The following ARHGAP39 variants were observed in gnomAD, a reference collection of about 807,000 sequenced individuals.
ARHGAP39 encodes rho GTPase-activating protein 39.
A neutral mutation model predicts 106.9 loss-of-function variants in ARHGAP39; 44 were observed. The observed-to-expected ratio is 0.41, with a 90% confidence interval of 0.32 to 0.53. The LOEUF (loss-of-function observed/expected upper bound fraction) is 0.53. ARHGAP39 is among the 20% of genes least tolerant of loss of function. The pLI is 0.21. For synonymous variants in ARHGAP39, 768 were observed against 693.2 expected (o/e 1.11, Z -1.69); for missense variants, 1,496 against 1,577.3 (o/e 0.95, Z 0.87).
At position 144,547,433 on chromosome 8, in the gene ARHGAP39, CTCGGCCGCGCCCCGCGCCCCT is replaced by C. The variant is rs752555980; in HGVS notation, c.1632_1652del (p.Gly545_Glu551del). 6.3e-7 allele frequency: 1 copy of C among 1,582,910 alleles called. No individual in the cohort carries two copies. The highest frequency in any genetic ancestry group is 2.3e-5 in the East Asian group (1 of 44,106). ...CCAGCCGAGCCTGCGCCAGGAAGGG[CTCGGCCGCGCCCCGCGCCCCT>C]TCGGCCTCACCTTCCGCTCGCTTCA... is the stretch of plus-strand genomic sequence containing the variant. On this transcript the variant is annotated inframe_deletion, in exon 5 of 12. Coordinates refer to ENST00000377307, the MANE Select transcript of ARHGAP39 (RefSeq NM_025251.3). This position sits in a 1 kb window ranked among gnomAD's most constrained non-coding sequence, Gnocchi z 5.2.
In ARHGAP39 at chr8:144,547,839, T is replaced by C; in HGVS notation, c.1247A>G (p.His416Arg). The C allele has an allele frequency of 6.3e-7, 1 of 1,589,956 alleles. No homozygotes were observed. The highest frequency in any genetic ancestry group is 8.6e-7 in the Non-Finnish European group (1 of 1,169,228). ...ACCGCCGGGGTTGGGCGCGTACTTG[T>C]GCCGCGGGCCGGCGCGCAGCTTGGG... ...SSPKLRAGPR[H>R]KYAPNPGGGS... The change falls in exon 5 of 12, where the codon CAC becomes CGC. Residue 416 changes from histidine to arginine, a missense_variant. Physicochemically the swap from His to Arg is conservative, Grantham distance 29. Around this residue, in one of 4 missense-constraint regions of ARHGAP39, gnomAD observed 905 missense variants for 816.4 expected, o/e 1.11. Coordinates refer to ENST00000377307, the MANE Select transcript of ARHGAP39 (RefSeq NM_025251.3). This position sits in a 1 kb window ranked among gnomAD's most constrained non-coding sequence, Gnocchi z 5.2.
At chr8:144,652,204 G>A (rs961388057) in intron 1 of ARHGAP39, among the ~76,000 whole-genome samples, 78 of 152,038 alleles carry the variant, frequency 5.1e-4, no homozygotes, top group African/African-American at 1.8e-3. Flanking sequence ...GGGCGACAGT[G>A]CAAGACCCCG....
intron 2 of ARHGAP39, among the ~76,000 whole-genome samples, chr8:144,595,331 A>G (rs1336378534): frequency 6.6e-6 from 1 of 152,158 alleles, no homozygotes; most frequent in Non-Finnish European, 1.5e-5. Context: ...TGAGCGAAGG[A>G]CCACTCGTAT....
chr8:144,612,987 T>G (rs1260592533), intron 1 of ARHGAP39, among the ~76,000 whole-genome samples: 1 of 152,290 alleles, frequency 6.6e-6, no homozygotes, highest in Non-Finnish European at 1.5e-5. Context: ...AAGTATTTTA[T>G]GTGGGTCAAC....
At chr8:144,609,013 C>T (rs1820392466) in intron 1 of ARHGAP39, among the ~76,000 whole-genome samples, 1 of 152,108 alleles carries the variant, frequency 6.6e-6, no homozygotes, top group African/African-American at 2.4e-5. Flanking sequence ...AAAAGTTTTA[C>T]TTCTTCCTTT....
chr8:144,534,761 A>G (rs1816885817), intron 7 of ARHGAP39, among the ~76,000 whole-genome samples: 1 of 152,180 alleles, frequency 6.6e-6, no homozygotes, highest in Admixed American at 6.5e-5. Flanking sequence ...GGCAGCAATG[A>G]GAGGGCCCAG....
Position 144,604,179 on chromosome 8 carries a change from C to T in ARHGAP39, c.80+1356G>A, listed in dbSNP as rs531498396. 1.3e-5 allele frequency among the ~76,000 whole-genome samples: 2 copies of T among 152,154 alleles called. No individual in the cohort carries two copies. The highest frequency in any genetic ancestry group is 1.9e-4 in the East Asian group (1 of 5,190). The stretch of plus-strand genomic sequence containing the variant: ...CAGACACGGAGCCGGGCCCAGAGCG[C>T]CCAGAGGTGGCCGGGAGGCAGCAGC... On this transcript the variant is annotated intron_variant, in intron 2 of 11. Coordinates refer to ENST00000377307, the MANE Select transcript of ARHGAP39 (RefSeq NM_025251.3). This position sits in a 1 kb window ranked among gnomAD's most constrained non-coding sequence, Gnocchi z 4.1.
chr8:144,588,043 C>A (rs1430632314), intron 2 of ARHGAP39, among the ~76,000 whole-genome samples: 9 of 152,212 alleles, frequency 5.9e-5, no homozygotes, highest in Non-Finnish European at 1.0e-4. Context: ...CCGAGGAAAA[C>A]CAGCAAGGGT....
chr8:144,645,683 C>G lies in ARHGAP39; in HGVS notation c.-81-39988G>C, dbSNP rs1244293735. Among the ~76,000 whole-genome samples, 1 of 152,264 alleles carries G rather than the reference C, an allele frequency of 6.6e-6. No homozygotes were observed. The highest frequency in any genetic ancestry group is 1.9e-4 in the East Asian group (1 of 5,206). Reference sequence around the variant, plus strand: ...AAGTGCAAACATGAGGGATTCTTATCCTCTAGAAAAAACCATCCCCAAACC... The same window carrying G: ...AAGTGCAAACATGAGGGATTCTTATGCTCTAGAAAAAACCATCCCCAAACC... On this transcript the variant is annotated intron_variant, in intron 1 of 11. Coordinates refer to ENST00000377307, the MANE Select transcript of ARHGAP39 (RefSeq NM_025251.3). The surrounding 1 kb of genome is among the most constrained non-coding windows in gnomAD (Gnocchi z 4.4).
Position 144,570,521 on chromosome 8 carries a change from C to T in ARHGAP39, c.512+10325G>A, listed in dbSNP as rs540806023. Among the ~76,000 whole-genome samples, 148 of 152,234 alleles carry T rather than the reference C, an allele frequency of 9.7e-4. 1 individual carries two copies. The highest frequency in any genetic ancestry group is 3.4e-3 in the African/African-American group (141 of 41,526). On this transcript the variant is annotated intron_variant, in intron 3 of 11. Transcript: ENST00000377307. ...ACTGTGAGGGGTAAAGAGGATTAGACGCAACGACAATAGGAAAAGTCTAGC... is the reference window on the plus strand; with the variant it reads ...ACTGTGAGGGGTAAAGAGGATTAGATGCAACGACAATAGGAAAAGTCTAGC...
intron 2 of ARHGAP39, among the ~76,000 whole-genome samples, chr8:144,598,074 G>A (rs10109518): frequency 6.6e-6 from 1 of 152,270 alleles, no homozygotes; most frequent in Non-Finnish European, 1.5e-5. Flanking sequence ...AGTCCGGCCA[G>A]AGTAGGAGCT....
chr8:144,610,199 TA>T (rs1820439946), intron 1 of ARHGAP39, among the ~76,000 whole-genome samples: 1 of 152,246 alleles, frequency 6.6e-6, no homozygotes, highest in South Asian at 2.1e-4. Flanking sequence ...GACATTGATA[TA>T]AAAATGTCTT....
rs1304196757 is a variant in ARHGAP39, at chr8:144,684,249, T to A, written c.-82+1437A>T. ...CAGAGCCTGCGCCCAGGGCGGTTTA[T>A]GGAATGAGTCTCCTCGATTTACAGC... On this transcript the variant is annotated intron_variant, in intron 1 of 11. Coordinates refer to ENST00000377307, the MANE Select transcript of ARHGAP39 (RefSeq NM_025251.3). The surrounding 1 kb of genome is among the most constrained non-coding windows in gnomAD (Gnocchi z 4.4). 6.6e-6 allele frequency among the ~76,000 whole-genome samples: 1 copy of A among 152,188 alleles called. No individual in the cohort carries two copies. The highest frequency in any genetic ancestry group is 1.5e-5 in the Non-Finnish European group (1 of 68,034).
chr8:144,576,223 C>T (rs1483080388), intron 3 of ARHGAP39, among the ~76,000 whole-genome samples: 1 of 150,366 alleles, frequency 6.7e-6, no homozygotes, highest in Non-Finnish European at 1.5e-5. Flanking sequence ...GTCCCAGCTA[C>T]TCGGGAGGCT....
intron 2 of ARHGAP39, among the ~76,000 whole-genome samples, chr8:144,588,353 G>A (rs1212372319): frequency 6.6e-6 from 1 of 152,262 alleles, no homozygotes; most frequent in African/African-American, 2.4e-5. Context: ...GCCAGAGGCT[G>A]ACTGCCCGGT....
In ARHGAP39 at chr8:144,644,996, G is replaced by C. The variant is rs1479954158; in HGVS notation, c.-81-39301C>G. Among the ~76,000 whole-genome samples, 1 of 152,228 alleles carries C rather than the reference G, an allele frequency of 6.6e-6. No homozygotes were observed. The highest frequency in any genetic ancestry group is 2.4e-5 in the African/African-American group (1 of 41,460). On this transcript the variant is annotated intron_variant, in intron 1 of 11. Transcript: ENST00000377307. The surrounding 1 kb of genome is among the most constrained non-coding windows in gnomAD (Gnocchi z 4.8). ...GTCAGTCCTCGCAGGCTTGTCCCTG[G>C]GTGGCAGGTGACAGGCGCTGGGCCA...
chr8:144,595,692 G>C (rs1283220120), intron 2 of ARHGAP39, among the ~76,000 whole-genome samples: 2 of 152,126 alleles, frequency 1.3e-5, no homozygotes, highest in Non-Finnish European at 2.9e-5. Flanking sequence ...GCTGAACGGG[G>C]CCACCAGGGT....
chr8:144,547,159 C>A lies in ARHGAP39; in HGVS notation c.1927G>T (p.Ala643Ser), dbSNP rs1481169180. 1.1e-5 allele frequency: 17 copies of A among 1,609,320 alleles called. No individual in the cohort carries two copies. The highest frequency in any genetic ancestry group is 1.3e-5 in the African/African-American group (1 of 74,854). Residue 643 changes from alanine to serine, a missense_variant, in exon 5 of 12, where the codon GCC becomes TCC. Physicochemically the swap from Ala to Ser is moderately conservative, Grantham distance 99. Around this residue, in one of 4 missense-constraint regions of ARHGAP39, gnomAD observed 905 missense variants for 816.4 expected, o/e 1.11. Coordinates refer to ENST00000377307, the MANE Select transcript of ARHGAP39 (RefSeq NM_025251.3). This position sits in a 1 kb window ranked among gnomAD's most constrained non-coding sequence, Gnocchi z 5.2. ...GGGTGGAGGTAGGGCTCTGGTGAGG[C>A]CAGGTTGGTCTGCACGGAGACGCTC... ...EKSVSVQTNL[A>S]SPEPYLHPSQ...
At chr8:144,652,527 A>C (rs1294155960) in intron 1 of ARHGAP39, among the ~76,000 whole-genome samples, 1 of 152,244 alleles carries the variant, frequency 6.6e-6, no homozygotes, top group African/African-American at 2.4e-5. Context: ...CATCAATGAT[A>C]GATTGGATTT....
Sources: gnomAD v4.1 joint callset for allele counts (sites outside exome capture counted in the v4.1 genomes callset) on GRCh38, gnomAD v4.1.1 for gene constraint, gnomAD v4.1.1 regional missense constraint, Gnocchi (gnomAD v3.1) non-coding constraint, MANE v1.5 for transcripts, NCBI Gene and HGNC (gene_info 2026-07-23, HGNC 2026-07-21) for gene names.